Variants in NSD2 observed in about 807,000 individuals in gnomAD.
NSD2 encodes the protein histone-lysine N-methyltransferase NSD2.
Under a neutral mutation model 139.0 loss-of-function variants are expected in NSD2, and 12 were observed. The ratio of observed to expected loss-of-function variants is 0.09; its 90% confidence interval spans 0.06 to 0.14. The LOEUF is 0.14. Ranked by LOEUF, NSD2 falls within the 10% of genes least tolerant of loss-of-function variation. The pLI is 1.00. For synonymous variants in NSD2, 669 were observed against 648.7 expected, an observed-to-expected ratio of 1.03 and a Z score of -0.48; for missense variants, 1,155 against 1,745.0, an observed-to-expected ratio of 0.66 and a Z score of 6.02.
chr4:1,951,084 C>G lies in NSD2; in HGVS notation c.1894C>G (p.Pro632Ala). ...SLTENEVSDS[P>A]GDEPSESPYE... ...CCTTCATCTCTAGGTCTCGGACAGC[C>G]CGGGAGACGAGCCCTCGGAGTCCCC... The change falls in exon 10 of 22, where the codon CCG becomes GCG. Residue 632 changes from proline (P) to alanine (A), a missense_variant. Pro to Ala is a conservative substitution (Grantham distance 27, BLOSUM62 -1). Around this residue, in one of 8 missense-constraint regions of NSD2, gnomAD observed 420 missense variants for 469.0 expected, o/e 0.90. Coordinates refer to ENST00000508803, the MANE Select transcript of NSD2 (RefSeq NM_001042424.3). 1 of 1,614,168 alleles carries G rather than the reference C, an allele frequency of 6.2e-7. No individual in the cohort carries two copies. Among genetic ancestry groups the G allele is most frequent in the Non-Finnish European group, 8.5e-7 (1 of 1,180,018 alleles).
In NSD2 at chr4:1,981,771, C is replaced by A. The variant is rs1211737864; in HGVS notation, c.*2862C>A. On this transcript the variant is annotated 3_prime_UTR_variant, in exon 22 of 22. Transcript: ENST00000508803. ...GACTACCTTATTTTCCAGAATTAAA[C>A]CTGTTTTATAATTCAAGTTAATGCA... 2.5e-6 allele frequency: 1 copy of A among 398,198 alleles called. No homozygotes were observed. Among genetic ancestry groups the A allele is most frequent in the Non-Finnish European group, 4.4e-6 (1 of 225,896 alleles). 24.7% of individuals were successfully genotyped at this position (398,198 alleles called of 1,614,324 possible). A position where few individuals can be genotyped will look rare whatever the true frequency, so the allele number is the denominator to read the frequency against.
chr4:1,952,840 G>A lies in NSD2; in HGVS notation c.2138-484G>A, dbSNP rs1329520116. 2.4e-6 allele frequency: 3 copies of A among 1,248,064 alleles called. No homozygotes were observed. The African/African-American group carries it at 4.5e-5, about 19-fold the overall frequency. The allele number at this position is 1,248,064 out of a possible 1,614,324, so 77.3% of individuals were successfully genotyped here. Reference sequence around the variant, plus strand: ...CTTCCTGCCTACTCACCGGGCCCAAGGAGTCTCCTATCTCACGTCAGAACA... The same window carrying A: ...CTTCCTGCCTACTCACCGGGCCCAAAGAGTCTCCTATCTCACGTCAGAACA... On this transcript the variant is annotated intron_variant, in intron 11 of 21. Transcript: ENST00000508803.
At chr4:1,903,967 C>G (rs924132183) in intron 2 of NSD2, among the ~76,000 whole-genome samples, 2 of 152,182 alleles carry the variant, frequency 1.3e-5, no homozygotes, top group Admixed American at 1.3e-4. Context: ...ATCTCCTGAA[C>G]TCGTGATCCG....
At chr4:1,969,510 C>G (rs1048293484) in intron 18 of NSD2, among the ~76,000 whole-genome samples, 1 of 151,694 alleles carries the variant, frequency 6.6e-6, no homozygotes, top group South Asian at 2.1e-4. Context: ...TTGAGACCAG[C>G]CTGGGCAACA....
intron 9 of NSD2, chr4:1,943,870 C>G (rs897195897): frequency 9.4e-7 from 1 of 1,063,142 alleles, no homozygotes; most frequent in Non-Finnish European, 1.1e-6. Context: ...GAAATTACAG[C>G]ATGATGAATT....
At chr4:1,926,160 T>A (rs1002531691) in intron 5 of NSD2, among the ~76,000 whole-genome samples, 1 of 150,400 alleles carries the variant, frequency 6.6e-6, no homozygotes, top group African/African-American at 2.5e-5. Context: ...ATTTTTTTTT[T>A]TTTTTTTTTT....
chr4:1,883,631 C>CAAA (rs558413845), intron 1 of NSD2, among the ~76,000 whole-genome samples: 35 of 74,154 alleles, frequency 4.7e-4, no homozygotes, highest in African/African-American at 1.6e-3. Flanking sequence ...ACTTTGTTTC[C>CAAA]AAAAAAAAAA....
chr4:1,885,128 A>T (rs551673309), intron 1 of NSD2, among the ~76,000 whole-genome samples: 1 of 151,698 alleles, frequency 6.6e-6, no homozygotes, highest in African/African-American at 2.4e-5. Context: ...AAAAATAAAA[A>T]TAAAAAAAAT....
At chr4:1,940,372 T>C in intron 9 of NSD2, 1 of 1,064,648 alleles carries the variant, frequency 9.4e-7, no homozygotes, top group South Asian at 4.5e-5. Flanking sequence ...ACTTGCAGAG[T>C]ACATGATAGC....
At position 1,959,842 on chromosome 4, in the gene NSD2, T is replaced by C; in HGVS notation, c.3255+102T>C. ...TGGTTTTGTAGTCATGTGAGAATGG[T>C]ATTTTTTGGAAAAAAAATTTTTTTT... On this transcript the variant is annotated intron_variant, in intron 17 of 21. Transcript: ENST00000508803. The C allele has an allele frequency of 1.3e-6, 2 of 1,490,634 alleles. 1 individual carries two copies. The highest frequency in any genetic ancestry group is 2.7e-5 in the South Asian group (2 of 74,492). 92.3% of individuals were successfully genotyped at this position (1,490,634 alleles called of 1,614,324 possible).
intron 6 of NSD2, among the ~76,000 whole-genome samples, chr4:1,933,379 CCTT>C (rs1721906903): frequency 6.6e-6 from 1 of 152,168 alleles, no homozygotes; most frequent in South Asian, 2.1e-4. Flanking sequence ...GCAACAGTGT[CCTT>C]CTGCAAGATG....
chr4:1,938,000 G>A (rs1722604593), intron 7 of NSD2, among the ~76,000 whole-genome samples: 1 of 152,190 alleles, frequency 6.6e-6, no homozygotes, highest in South Asian at 2.1e-4. Flanking sequence ...TGACTTAGCA[G>A]GGCTGAGTCT....
At chr4:1,945,333 G>A (rs1380917200) in intron 9 of NSD2, 2 of 1,065,746 alleles carry the variant, frequency 1.9e-6, no homozygotes, top group African/African-American at 1.6e-5. Context: ...GAGCCATGCT[G>A]TCAGGAGCAA....
At chr4:1,960,816 TCG>T (rs1345453005) in intron 17 of NSD2, among the ~76,000 whole-genome samples, 2 of 152,230 alleles carry the variant, frequency 1.3e-5, no homozygotes, top group East Asian at 3.8e-4. Flanking sequence ...TATTGCCACT[TCG>T]TGAATACTTA....
chr4:1,896,380 A>G (rs908165631), intron 1 of NSD2, among the ~76,000 whole-genome samples: 25 of 152,184 alleles, frequency 1.6e-4, no homozygotes, highest in African/African-American at 6.0e-4. Flanking sequence ...ATTGCTTTGC[A>G]TTAGGCAGTG....
intron 9 of NSD2, among the ~76,000 whole-genome samples, chr4:1,949,045 C>A (rs1321172939): frequency 6.6e-6 from 1 of 152,206 alleles, no homozygotes; most frequent in Admixed American, 6.5e-5. Flanking sequence ...GAGTGGGGCC[C>A]CAGACAGTGT....
Position 1,900,380 on chromosome 4 carries a change from T to C in NSD2, c.-29-246T>C, listed in dbSNP as rs1376510377. Among the ~76,000 whole-genome samples, 5 of 152,218 alleles carry C rather than the reference T, an allele frequency of 3.3e-5. No individual in the cohort carries two copies. In the East Asian group the frequency reaches 9.6e-4, roughly 29 times the overall value. Reference sequence around the variant, plus strand: ...AGTGGTATGACTGGAGTGTGCTGTCTTGACTGACTTTCATGTTCTTCCTTT... The same window carrying C: ...AGTGGTATGACTGGAGTGTGCTGTCCTGACTGACTTTCATGTTCTTCCTTT... On this transcript the variant is annotated intron_variant, in intron 1 of 21. Coordinates refer to ENST00000508803, the MANE Select transcript of NSD2 (RefSeq NM_001042424.3).
intron 3 of NSD2, among the ~76,000 whole-genome samples, chr4:1,909,791 C>T (rs868620496): frequency 6.6e-6 from 1 of 151,610 alleles, no homozygotes; most frequent in Non-Finnish European, 1.5e-5. Flanking sequence ...CAGGTGCACA[C>T]CACTATGCCC....
Position 1,943,064 on chromosome 4 carries a change from T to G in NSD2, c.1881+3286T>G, listed in dbSNP as rs376358486. 9.5e-6 allele frequency: 10 copies of G among 1,050,378 alleles called. No individual in the cohort carries two copies. In the African/African-American group the frequency reaches 1.5e-4, roughly 16 times the overall value. 65.1% of individuals were successfully genotyped at this position (1,050,378 alleles called of 1,614,324 possible). On this transcript the variant is annotated intron_variant, in intron 9 of 21. Coordinates refer to ENST00000508803, the MANE Select transcript of NSD2 (RefSeq NM_001042424.3). The stretch of plus-strand genomic sequence containing the variant: ...CCAAGGGGATACTGTAATCAGGTTA[T>G]GTACACCAACCTCTGCATCAGTTGC...
Sources: gnomAD v4.1 joint callset for allele counts (sites outside exome capture counted in the v4.1 genomes callset) on GRCh38, gnomAD v4.1.1 for gene constraint, gnomAD v4.1.1 regional missense constraint, MANE v1.5 for transcripts, NCBI Gene and HGNC (gene_info 2026-07-23, HGNC 2026-07-21) for gene names.